The following HS3ST5 variants were observed in gnomAD, a reference collection of about 807,000 sequenced individuals.
The protein encoded by HS3ST5 is heparan sulfate-glucosamine 3-sulfotransferase 5, also known as heparan sulfate glucosamine 3-O-sulfotransferase 5.
HS3ST5 carries 10 observed loss-of-function variants against 25.4 expected under a neutral mutation model. The observed-to-expected ratio is 0.39, with a 90% CI of 0.24 to 0.67. The LOEUF (loss-of-function observed/expected upper bound fraction) is 0.67, where lower values mean the gene tolerates loss of function less well. Ranked by LOEUF, HS3ST5 falls within the 30% of genes least tolerant of loss-of-function variation. The pLI, the probability that HS3ST5 is intolerant of heterozygous loss-of-function variation, is 0.44. For synonymous variants in HS3ST5, 170 were observed against 162.4 expected (o/e 1.05, Z -0.36); for missense variants, 324 against 420.7 (o/e 0.77, Z 2.01).
At chr6:114,150,756 C>T (rs1321053371) in intron 3 of HS3ST5, among the ~76,000 whole-genome samples, 1 of 152,008 alleles carries the variant, frequency 6.6e-6, no homozygotes, top group Non-Finnish European at 1.5e-5. Context: ...ATAATAAAAT[C>T]CTGAAAGAAA....
intron 1 of HS3ST5, chr6:114,340,561 C>G: frequency 6.6e-6 from 1 of 152,140 alleles, no homozygotes; most frequent in Middle Eastern, 3.2e-3. Context: ...AGTTAAGAAG[C>G]CTGCCCTGAT....
At chr6:114,220,866 G>C (rs1298003619) in intron 2 of HS3ST5, 1 of 151,870 alleles carries the variant, frequency 6.6e-6, no homozygotes, top group African/African-American at 2.4e-5. Flanking sequence ...ATTTCAGGGA[G>C]CTTAGGCACA....
intron 3 of HS3ST5, among the ~76,000 whole-genome samples, chr6:114,107,931 T>G (rs1009320790): frequency 2.0e-5 from 3 of 152,212 alleles, no homozygotes; most frequent in Non-Finnish European, 4.4e-5. Context: ...TATTAATTTA[T>G]AGATTCAGTG....
chr6:114,320,535 C>T (rs1337342198), intron 1 of HS3ST5, among the ~76,000 whole-genome samples: 2 of 152,096 alleles, frequency 1.3e-5, no homozygotes, highest in African/African-American at 2.4e-5. Context: ...CTTGTGATCT[C>T]TCTATTCCTA....
chr6:114,219,026 A>C (rs543702253), intron 2 of HS3ST5, among the ~76,000 whole-genome samples: 72 of 152,346 alleles, frequency 4.7e-4, no homozygotes, highest in African/African-American at 1.6e-3. Context: ...AAAGTGGTTA[A>C]GCAGAATGTT....
chr6:114,166,788 C>T (rs1027136245), intron 3 of HS3ST5, among the ~76,000 whole-genome samples: 7 of 152,030 alleles, frequency 4.6e-5, no homozygotes, highest in African/African-American at 1.7e-4. Flanking sequence ...TGCCCCAGAA[C>T]ATAAAATACT....
At chr6:114,135,793 AG>A (rs1293282071) in intron 3 of HS3ST5, among the ~76,000 whole-genome samples, 1 of 152,162 alleles carries the variant, frequency 6.6e-6, no homozygotes, top group Non-Finnish European at 1.5e-5. Context: ...GCTCTTCCCC[AG>A]CCACCCTAAT....
At chr6:114,317,402 G>T (rs1432842168) in intron 1 of HS3ST5, among the ~76,000 whole-genome samples, 1 of 152,090 alleles carries the variant, frequency 6.6e-6, no homozygotes, top group Non-Finnish European at 1.5e-5. Context: ...TGTAGTTCCA[G>T]TATCCAGATG....
At chr6:114,261,738 C>T (rs892028541) in intron 1 of HS3ST5, among the ~76,000 whole-genome samples, 1 of 152,080 alleles carries the variant, frequency 6.6e-6, no homozygotes, top group Non-Finnish European at 1.5e-5. Context: ...ATATGTCCTC[C>T]AACATTTTTG....
chr6:114,171,486 T>C (rs1323646063), intron 2 of HS3ST5, among the ~76,000 whole-genome samples: 2 of 152,160 alleles, frequency 1.3e-5, no homozygotes, highest in Non-Finnish European at 2.9e-5. Context: ...CCTACAATCC[T>C]TAGTGTGCTT....
chr6:114,086,063 A>G (rs1168739745), intron 3 of HS3ST5, among the ~76,000 whole-genome samples: 1 of 151,980 alleles, frequency 6.6e-6, no homozygotes. Context: ...TTTACAGGAA[A>G]AAAAACGGTT....
At chr6:114,313,912 A>G (rs901388304) in intron 1 of HS3ST5, among the ~76,000 whole-genome samples, 3 of 129,180 alleles carry the variant, frequency 2.3e-5, no homozygotes, top group Non-Finnish European at 3.4e-5. Flanking sequence ...AGATTGTTGG[A>G]TCTAACCCCC....
At chr6:114,312,900 C>A (rs1775590434) in intron 1 of HS3ST5, among the ~76,000 whole-genome samples, 1 of 151,316 alleles carries the variant, frequency 6.6e-6, no homozygotes, top group Admixed American at 6.6e-5. Flanking sequence ...CATGGTGGTA[C>A]ATGCCTATAG....
intron 3 of HS3ST5, among the ~76,000 whole-genome samples, chr6:114,096,614 A>G (rs1221199682): frequency 6.6e-6 from 1 of 152,286 alleles, no homozygotes; most frequent in Non-Finnish European, 1.5e-5. Context: ...TGGTACATAA[A>G]GGGAAGTCAA....
chr6:114,226,873 G>GA (rs1166351807), intron 2 of HS3ST5, among the ~76,000 whole-genome samples: 3 of 151,366 alleles, frequency 2.0e-5, no homozygotes, highest in Non-Finnish European at 3.0e-5. Context: ...CCTTTTTCCA[G>GA]AAAAAATAAG....
chr6:114,183,255 G>A (rs1245796463), intron 2 of HS3ST5, among the ~76,000 whole-genome samples: 1 of 152,022 alleles, frequency 6.6e-6, no homozygotes, highest in Non-Finnish European at 1.5e-5. Context: ...TGAACCACAG[G>A]GGCAGTCTCC....
intron 3 of HS3ST5, among the ~76,000 whole-genome samples, chr6:114,129,404 C>T (rs529520337): frequency 2.2e-4 from 33 of 152,044 alleles, no homozygotes; most frequent in Admixed American, 5.2e-4. Flanking sequence ...TACAGGTGCC[C>T]ACCACCACAC....
chr6:114,088,279 T>A (rs897363384), intron 3 of HS3ST5, among the ~76,000 whole-genome samples: 1 of 152,192 alleles, frequency 6.6e-6, no homozygotes, highest in African/African-American at 2.4e-5. Flanking sequence ...TCTCCTCTAC[T>A]TGTCTCAACT....
intron 2 of HS3ST5, among the ~76,000 whole-genome samples, chr6:114,181,184 T>C (rs929394202): frequency 2.0e-5 from 3 of 152,338 alleles, no homozygotes; most frequent in Middle Eastern, 6.8e-3. Flanking sequence ...AGAGTTAGCA[T>C]TGCAGAGGAG....
Sources: gnomAD v4.1 joint callset for allele counts (sites outside exome capture counted in the v4.1 genomes callset) on GRCh38, gnomAD v4.1.1 for gene constraint, MANE v1.5 for transcripts, NCBI Gene and HGNC (gene_info 2026-07-23, HGNC 2026-07-21) for gene names.